The following HIVEP1 variants were observed in gnomAD, a reference collection of about 807,000 sequenced individuals.
HIVEP1 encodes the protein HIVEP zinc finger 1, also known as zinc finger protein 40.
In HIVEP1, 36 loss-of-function variants were observed where a neutral mutation model predicts 180.0. The ratio of observed to expected loss-of-function variants is 0.20; its 90% CI spans 0.15 to 0.26. The LOEUF (loss-of-function observed/expected upper bound fraction) is 0.26, where lower values mean the gene tolerates loss of function less well. Ranked by LOEUF, HIVEP1 falls within the 10% of genes least tolerant of loss-of-function variation. HIVEP1 has a pLI of 1.00. For missense variants in HIVEP1, 3,143 were observed against 3,268.7 expected (o/e 0.96, Z 0.94); for synonymous variants, 1,239 against 1,239.0 (o/e 1.00, Z 0.00).
chr6:12,125,366 A>G lies in HIVEP1; in HGVS notation c.5571A>G (p.Glu1857=), dbSNP rs1757994616. The G allele has an allele frequency of 6.2e-7, 1 of 1,614,196 alleles. No homozygotes were observed. The highest frequency in any genetic ancestry group is 2.2e-5 in the East Asian group (1 of 44,886). The change falls in exon 4 of 9, where the codon GAA becomes GAG. Residue 1857 remains glutamate, a synonymous_variant. Transcript: ENST00000379388. ...TAGAACCTATAAGTGAATTGCAGGA[A>G]TTTGAAAACATCAAGTCATCCACAT... The part of the protein sequence containing the change: ...VVIEPISELQ[E]FENIKSSTSL...
intron 3 of HIVEP1, among the ~76,000 whole-genome samples, chr6:12,100,131 A>G (rs534576291): frequency 6.6e-6 from 1 of 152,232 alleles, no homozygotes; most frequent in East Asian, 1.9e-4. Flanking sequence ...TAACACTACA[A>G]CTCAAACGTC....
intron 2 of HIVEP1, among the ~76,000 whole-genome samples, chr6:12,018,247 C>G (rs4714116): frequency 0.44 from 66,302 of 152,170 alleles, 16,488 homozygotes; most frequent in Non-Finnish European, 0.56. Context: ...CGCGCGGCCC[C>G]CGTTCCTGCC....
intron 2 of HIVEP1, among the ~76,000 whole-genome samples, chr6:12,079,461 C>A (rs530703408): frequency 2.0e-5 from 3 of 152,286 alleles, no homozygotes; most frequent in African/African-American, 7.2e-5. Flanking sequence ...CCTTCCTTAT[C>A]TTCCTCAGTA....
intron 2 of HIVEP1, chr6:12,020,476 G>T: frequency 1.3e-5 from 6 of 470,922 alleles, no homozygotes; most frequent in South Asian, 9.3e-5. Flanking sequence ...ACTCATCGCT[G>T]CTCTGTGGAG....
the HIVEP1 span, among the ~76,000 whole-genome samples, chr6:12,171,110 T>TA: frequency 6.6e-6 from 1 of 152,180 alleles, no homozygotes; most frequent in African/African-American, 2.4e-5. Context: ...TTAAGTGTAC[T>TA]AAAAAACAGC....
At chr6:12,135,040 C>T (rs1411663587) in intron 6 of HIVEP1, among the ~76,000 whole-genome samples, 3 of 152,036 alleles carry the variant, frequency 2.0e-5, no homozygotes, top group African/African-American at 7.3e-5. Flanking sequence ...CAGATACTAA[C>T]AAAAAAATTA....
At chr6:12,165,808 G>A (rs527275162), downstream of HIVEP1, among the ~76,000 whole-genome samples, 4 of 152,246 alleles carry the variant, frequency 2.6e-5, no homozygotes, top group African/African-American at 7.2e-5. Flanking sequence ...GAGAGGTAGG[G>A]GACAGCCTAT....
chr6:12,041,810 C>T (rs1277943450), intron 2 of HIVEP1, among the ~76,000 whole-genome samples: 1 of 151,152 alleles, frequency 6.6e-6, no homozygotes, highest in East Asian at 2.0e-4. Flanking sequence ...AAGTTCCATG[C>T]CACCATGCCT....
intron 2 of HIVEP1, among the ~76,000 whole-genome samples, chr6:12,068,922 CTTA>C: frequency 6.6e-6 from 1 of 152,266 alleles, no homozygotes; most frequent in South Asian, 2.1e-4. Flanking sequence ...GCTCTTTATC[CTTA>C]TTATCAGCCT....
chr6:12,124,534 C>A lies in HIVEP1; in HGVS notation c.4739C>A (p.Ser1580Tyr), dbSNP rs1277404976. The A allele has an allele frequency of 6.2e-7, 1 of 1,614,128 alleles. No individual in the cohort carries two copies. The highest frequency in any genetic ancestry group is 1.1e-5 in the South Asian group (1 of 91,076). ...TCTTGCTCTTCTAATCCTGTGCATT[C>A]TTTGCCAAATCAAGTTATTTCAGAT... is the stretch of plus-strand genomic sequence containing the variant. ...GPSCSSNPVH[S>Y]LPNQVISDPV... The change falls in exon 4 of 9, where the codon TCT (serine) becomes TAT (tyrosine). Residue 1580 changes from serine to tyrosine, a missense_variant. Physicochemically the swap from Ser to Tyr is moderately radical, Grantham distance 144. This residue lies in a region of HIVEP1 where 1,357 missense variants were observed against 1,260.5 expected (regional missense o/e 1.08). Coordinates refer to ENST00000379388, the MANE Select transcript of HIVEP1 (RefSeq NM_002114.4).
chr6:12,169,181 C>T (rs1353697875), downstream of HIVEP1, among the ~76,000 whole-genome samples: 1 of 152,056 alleles, frequency 6.6e-6, no homozygotes, highest in East Asian at 1.9e-4. Context: ...GCCACTGTGC[C>T]CGGTAAATGC....
the HIVEP1 span, among the ~76,000 whole-genome samples, chr6:12,192,833 C>G: frequency 6.6e-6 from 1 of 151,380 alleles, no homozygotes; most frequent in Non-Finnish European, 1.5e-5. Flanking sequence ...ATTTTAAGTT[C>G]TATTTTGAAA....
chr6:12,087,899 T>C (rs574203835), intron 2 of HIVEP1, among the ~76,000 whole-genome samples: 1 of 152,302 alleles, frequency 6.6e-6, no homozygotes, highest in Non-Finnish European at 1.5e-5. Flanking sequence ...AAGACATTGC[T>C]GTGGGCGATA....
At chr6:12,135,354 A>C (rs969834363) in intron 6 of HIVEP1, among the ~76,000 whole-genome samples, 1 of 152,224 alleles carries the variant, frequency 6.6e-6, no homozygotes, top group East Asian at 1.9e-4. Flanking sequence ...CATGGAAAAC[A>C]ATCTTGCTGA....
At chr6:12,182,227 C>T in the HIVEP1 span, among the ~76,000 whole-genome samples, 1 of 152,070 alleles carries the variant, frequency 6.6e-6, no homozygotes, top group Admixed American at 6.5e-5. Context: ...GTTGAAAAGT[C>T]AAATAGAAAA....
the HIVEP1 span, among the ~76,000 whole-genome samples, chr6:12,176,677 G>A: frequency 6.6e-6 from 1 of 151,806 alleles, no homozygotes; most frequent in Non-Finnish European, 1.5e-5. Context: ...AGGATACAAA[G>A]CATTGTTTTT....
At chr6:12,180,580 T>C in the HIVEP1 span, among the ~76,000 whole-genome samples, 1 of 152,226 alleles carries the variant, frequency 6.6e-6, no homozygotes, top group African/African-American at 2.4e-5. Context: ...AGATGTGTTG[T>C]TATGAAAAAT....
chr6:12,131,886 G>A (rs1374950565), intron 6 of HIVEP1, among the ~76,000 whole-genome samples: 2 of 149,856 alleles, frequency 1.3e-5, no homozygotes, highest in Non-Finnish European at 3.0e-5. Flanking sequence ...TGTCTTTGCA[G>A]TTTTTGTTTT....
In HIVEP1 at chr6:12,120,500, A is replaced by G. The variant is rs1295924388; in HGVS notation, c.705A>G (p.Lys235=). The G allele has an allele frequency of 4.3e-6, 7 of 1,614,104 alleles. No homozygotes were observed. The highest frequency in any genetic ancestry group is 5.9e-6 in the Non-Finnish European group (7 of 1,180,044). ...ATAAAACTGCACGTTCCCCTCCCAA[A>G]TTAAAAAACAGTTCAATGGATGCCC... ...RPNKTARSPP[K]LKNSSMDAPN... The change falls in exon 4 of 9, where the codon AAA becomes AAG. Residue 235 remains lysine (K), a synonymous_variant. Transcript: ENST00000379388.
Sources: gnomAD v4.1 joint callset for allele counts (sites outside exome capture counted in the v4.1 genomes callset) on GRCh38, gnomAD v4.1.1 for gene constraint, gnomAD v4.1.1 regional missense constraint, MANE v1.5 for transcripts, NCBI Gene and HGNC (gene_info 2026-07-23, HGNC 2026-07-21) for gene names.